HTATIP2: variants seen among roughly 807,000 people sequenced by gnomAD.
The protein encoded by HTATIP2 is HIV-1 Tat interactive protein 2, also known as protein HTATIP2.
Under a neutral mutation model 24.7 loss-of-function variants are expected in HTATIP2, and 26 were observed. The observed-to-expected ratio is 1.05, with a 90% CI of 0.77 to 1.46. HTATIP2 has a LOEUF of 1.46. HTATIP2 is among the 40% of genes most tolerant of loss of function. The pLI is 0.00. For synonymous variants in HTATIP2, 99 were observed against 113.2 expected (o/e 0.87, Z 0.79); for missense variants, 284 against 289.6 (o/e 0.98, Z 0.14).
intron 2 of HTATIP2, among the ~76,000 whole-genome samples, chr11:20,370,465 C>G (rs2064760033): frequency 6.6e-6 from 1 of 152,142 alleles, no homozygotes; most frequent in Non-Finnish European, 1.5e-5. Context: ...TTCTTGTTTT[C>G]TGTTGAGTGG....
rs2064710129 is a variant in HTATIP2 at position 20,366,616 on chromosome 11, C to T, written c.196-558C>T. Among the ~76,000 whole-genome samples the T allele has an allele frequency of 1.3e-5, 2 of 152,140 alleles. 1 individual carries two copies. Among genetic ancestry groups the T allele is most frequent in the Middle Eastern group, 6.8e-3 (2 of 292 alleles). Reference sequence around the variant, plus strand: ...TAAAAGTGCAGATTCTGATTCAGAACTATTGGTGTGGGATGTAGGAATATG... The same window carrying T: ...TAAAAGTGCAGATTCTGATTCAGAATTATTGGTGTGGGATGTAGGAATATG... On this transcript the variant is annotated intron_variant, in intron 1 of 4. Transcript: ENST00000451739.
chr11:20,372,294 A>G (rs762979459), intron 2 of HTATIP2, among the ~76,000 whole-genome samples: 1 of 152,206 alleles, frequency 6.6e-6, no homozygotes, highest in Non-Finnish European at 1.5e-5. Context: ...ATCAGTCAGC[A>G]CTGAAATACT....
In HTATIP2 at chr11:20,383,155, A is replaced by T; in HGVS notation, c.679A>T (p.Asn227Tyr). 1 of 1,614,020 alleles carries T rather than the reference A, an allele frequency of 6.2e-7. No homozygotes were observed. ...PRDKQMELLE[N>Y]KAIHDLGKAH... Reference sequence around the variant, plus strand: ...AGACAAGCAGATGGAACTGCTGGAGAACAAGGCCATCCATGACCTGGGGAA... The same window carrying T: ...AGACAAGCAGATGGAACTGCTGGAGTACAAGGCCATCCATGACCTGGGGAA... The change falls in exon 5 of 5, where the codon AAC (asparagine) becomes TAC (tyrosine). Residue 227 changes from asparagine (N) to tyrosine (Y), a missense_variant. Asn to Tyr is a moderately radical substitution (Grantham distance 143, BLOSUM62 -2). Transcript: ENST00000451739.
intron 3 of HTATIP2, 63 bp from the exon 4 acceptor site, chr11:20,382,115 C>T (rs1259960609): frequency 6.0e-6 from 6 of 1,000,448 alleles, no homozygotes; most frequent in Non-Finnish European, 7.9e-6. Flanking sequence ...ATTATTCTCT[C>T]TTAAACTTCA....
intron 3 of HTATIP2, among the ~76,000 whole-genome samples, chr11:20,379,851 T>C (rs1020051174): frequency 1.6e-4 from 25 of 152,220 alleles, no homozygotes; most frequent in African/African-American, 5.5e-4. Flanking sequence ...CCAAGTTTGG[T>C]AATTCACTAG....
At position 20,374,378 on chromosome 11, in the gene HTATIP2, T is replaced by C. The variant is rs545258347; in HGVS notation, c.304-2202T>C. On this transcript the variant is annotated intron_variant, in intron 2 of 4. Coordinates refer to ENST00000451739, the MANE Select transcript of HTATIP2 (RefSeq NM_001098522.2). ...AGCTTAAGACAACACAAATTTATCA[T>C]CTTAGAAGTCTGACACGGGTTTACC... Among the ~76,000 whole-genome samples, 6 of 152,372 alleles carry C rather than the reference T, an allele frequency of 3.9e-5. No individual in the cohort carries two copies. The South Asian group carries it at 1.2e-3, about 32-fold the overall frequency.
intron 1 of HTATIP2, 104 bp from the exon 2 acceptor site, chr11:20,367,070 A>G: frequency 7.6e-7 from 1 of 1,317,826 alleles, no homozygotes. Context: ...TTAAGTGGAC[A>G]GGCCTGTCAG....
chr11:20,369,704 A>T (rs574495273), intron 2 of HTATIP2, among the ~76,000 whole-genome samples: 217 of 152,274 alleles, frequency 1.4e-3, no homozygotes, highest in African/African-American at 5.1e-3. Context: ...TTATAAGACC[A>T]CTAGTCATAC....
chr11:20,380,269 C>G (rs995844093), intron 3 of HTATIP2, among the ~76,000 whole-genome samples: 2 of 152,202 alleles, frequency 1.3e-5, no homozygotes, highest in African/African-American at 2.4e-5. Flanking sequence ...GTTGCAAGCA[C>G]AAGCCAGGGG....
intron 2 of HTATIP2, among the ~76,000 whole-genome samples, chr11:20,374,215 T>G (rs190874675): frequency 6.6e-6 from 1 of 152,306 alleles, no homozygotes; most frequent in East Asian, 1.9e-4. Flanking sequence ...TTATGAAAAT[T>G]TATTGAGCTC....
At chr11:20,376,784 A>G in intron 3 of HTATIP2, 67 bp downstream of exon 3, 2 of 1,203,564 alleles carry the variant, frequency 1.7e-6, no homozygotes, top group South Asian at 1.5e-5. Context: ...ACTAAAGAAT[A>G]TAAAATATTA....
At position 20,364,025 on chromosome 11, in the gene HTATIP2, A is replaced by G; in HGVS notation, c.-213A>G. On this transcript the variant is annotated 5_prime_UTR_variant, in exon 1 of 5. Coordinates refer to ENST00000451739, the MANE Select transcript of HTATIP2 (RefSeq NM_001098522.2). ...CTTGTGGCACCTGGGCGCACCCTCC[A>G]GCTCGGGCCCCTTCCGATGGGTCTG... 1 of 1,294,636 alleles carries G rather than the reference A, an allele frequency of 7.7e-7. No individual in the cohort carries two copies. The allele number at this position is 1,294,636 out of a possible 1,614,324, so 80.2% of individuals were successfully genotyped here.
intron 2 of HTATIP2, among the ~76,000 whole-genome samples, chr11:20,375,578 A>G (rs10500878): frequency 0.051 from 7,771 of 152,140 alleles, 286 homozygotes; most frequent in East Asian, 0.15. Context: ...CAATCAATCA[A>G]TCACTGGGGC....
intron 2 of HTATIP2, among the ~76,000 whole-genome samples, chr11:20,368,595 T>C (rs1353383822): frequency 1.3e-5 from 2 of 152,200 alleles, no homozygotes; most frequent in African/African-American, 4.8e-5. Context: ...TGGTGTGCCC[T>C]CCAAAAGCAT....
rs150327548 is a variant in HTATIP2, at chr11:20,376,666, A to G, written c.390A>G (p.Leu130=). 6.8e-5 allele frequency: 110 copies of G among 1,613,866 alleles called. No homozygotes were observed. In the African/African-American group the frequency reaches 1.0e-3, roughly 15 times the overall value. ...KAGGCKHFNL[L]SSKGADKSSN... ...GAGGGTGCAAACATTTCAACTTGCT[A>G]TCCTCTAAAGGAGCTGATAAATCAA... The change falls in exon 3 of 5, where the codon CTA becomes CTG. Residue 130 remains leucine, a synonymous_variant. Coordinates refer to ENST00000451739, the MANE Select transcript of HTATIP2 (RefSeq NM_001098522.2).
chr11:20,373,623 A>C (rs1037329988), intron 2 of HTATIP2, among the ~76,000 whole-genome samples: 15 of 152,228 alleles, frequency 9.9e-5, no homozygotes, highest in Non-Finnish European at 1.8e-4. Context: ...CAACAAAAAA[A>C]CTGAATTTAT....
intron 2 of HTATIP2, among the ~76,000 whole-genome samples, chr11:20,370,242 T>G (rs1490264825): frequency 6.6e-6 from 1 of 152,220 alleles, no homozygotes; most frequent in Non-Finnish European, 1.5e-5. Flanking sequence ...GTGAGTAACT[T>G]GTTTGCTAGT....
At chr11:20,372,256 G>C (rs1022493811) in intron 2 of HTATIP2, among the ~76,000 whole-genome samples, 1 of 152,186 alleles carries the variant, frequency 6.6e-6, no homozygotes, top group Non-Finnish European at 1.5e-5. Flanking sequence ...TGACCTTCTT[G>C]AGTCGTTTAG....
intron 3 of HTATIP2, among the ~76,000 whole-genome samples, chr11:20,379,434 G>C (rs955260616): frequency 1.3e-5 from 2 of 152,104 alleles, no homozygotes; most frequent in Non-Finnish European, 2.9e-5. Context: ...TTCAACTACT[G>C]TGTGTAACAT....
Sources: allele counts gnomAD v4.1 joint callset (sites outside exome capture counted in the v4.1 genomes callset), GRCh38; gene constraint gnomAD v4.1.1; transcripts MANE v1.5; gene names NCBI Gene and HGNC (gene_info 2026-07-23, HGNC 2026-07-21).